The following FAM240B variants were observed in gnomAD, a reference collection of about 807,000 sequenced individuals.
The protein encoded by FAM240B is family with sequence similarity 240 member B, also known as protein FAM240B.
intron 1 of FAM240B, among the ~76,000 whole-genome samples, chr9:38,718,759 A>T (rs1390172184): frequency 3.3e-5 from 5 of 152,292 alleles, no homozygotes; most frequent in African/African-American, 4.8e-5. Context: ...GTAAAAAAAA[A>T]AAATGTTCAA....
intron 1 of FAM240B, among the ~76,000 whole-genome samples, chr9:38,706,084 A>T (rs981256226): frequency 1.3e-5 from 2 of 152,120 alleles, no homozygotes; most frequent in Non-Finnish European, 2.9e-5. Flanking sequence ...CTTATTTAAA[A>T]CATTTTTATT....
rs1049285267 is a variant in FAM240B at position 38,694,604 on chromosome 9, G to C, written c.*172C>G. 2.5e-6 allele frequency: 1 copy of C among 392,986 alleles called. No homozygotes were observed. The highest frequency in any genetic ancestry group is 4.5e-6 in the Non-Finnish European group (1 of 223,140). 24.3% of individuals were successfully genotyped at this position (392,986 alleles called of 1,614,324 possible). On this transcript the variant is annotated 3_prime_UTR_variant, in exon 3 of 3. Transcript: ENST00000637493. ...TCCTCTGTGCGGAGGGGATTGAGCA[G>C]GATAATAACTCCCATTAGCACTGGG...
At chr9:38,700,056 G>C (rs1041600523) in intron 2 of FAM240B, among the ~76,000 whole-genome samples, 1 of 152,120 alleles carries the variant, frequency 6.6e-6, no homozygotes, top group Non-Finnish European at 1.5e-5. Flanking sequence ...TCTGGTCAAG[G>C]GGCAGAGCTC....
intron 2 of FAM240B, 89 bp from the exon 3 acceptor site, chr9:38,694,958 G>C (rs1296914547): frequency 5.0e-6 from 2 of 397,668 alleles, no homozygotes; most frequent in African/African-American, 2.1e-5. Context: ...TCTTCTCCAA[G>C]ATATTTTTAA....
chr9:38,715,791 T>C (rs1321176981), intron 1 of FAM240B, among the ~76,000 whole-genome samples: 3 of 152,226 alleles, frequency 2.0e-5, no homozygotes, highest in African/African-American at 4.8e-5. Context: ...TAGAGAAAAC[T>C]TCTGAGTTCC....
chr9:38,716,196 G>A (rs1164642971), intron 1 of FAM240B, among the ~76,000 whole-genome samples: 1 of 152,198 alleles, frequency 6.6e-6, no homozygotes, highest in Non-Finnish European at 1.5e-5. Context: ...CCTTGGCCCG[G>A]TGCGGTGGCT....
Position 38,719,672 on chromosome 9 carries a change from G to A in FAM240B, c.-4+350C>T, listed in dbSNP as rs143475761. On this transcript the variant is annotated intron_variant, in intron 1 of 2. Coordinates refer to ENST00000637493, the MANE Select transcript of FAM240B (RefSeq NM_001394922.1). ...AGCATCTACAATGAACATTTCCTTG[G>A]GACTAAATTATCCATCAACCAACAT... is the stretch of plus-strand genomic sequence containing the variant. Among the ~76,000 whole-genome samples the A allele has an allele frequency of 2.1e-3, 327 of 152,140 alleles. 3 individuals are homozygous for A. The highest frequency in any genetic ancestry group is 7.2e-3 in the African/African-American group (297 of 41,510).
At chr9:38,700,542 G>A (rs1821113664) in intron 2 of FAM240B, among the ~76,000 whole-genome samples, 1 of 152,186 alleles carries the variant, frequency 6.6e-6, no homozygotes, top group South Asian at 2.1e-4. Flanking sequence ...TCTAAACTGA[G>A]ATACTTTTGA....
intron 1 of FAM240B, among the ~76,000 whole-genome samples, chr9:38,716,459 G>A (rs985355572): frequency 1.5e-5 from 2 of 134,098 alleles, no homozygotes; most frequent in South Asian, 2.7e-4. Flanking sequence ...GTGGCAGAGT[G>A]AGACTCCGCT....
At chr9:38,701,183 AG>A in intron 2 of FAM240B, among the ~76,000 whole-genome samples, 1 of 152,150 alleles carries the variant, frequency 6.6e-6, no homozygotes. Context: ...GTACATTGGA[AG>A]GTGGGCATTT....
chr9:38,718,441 C>CTGTCAATGTA (rs1821333287), intron 1 of FAM240B, among the ~76,000 whole-genome samples: 2 of 152,194 alleles, frequency 1.3e-5, no homozygotes, highest in African/African-American at 2.4e-5. Flanking sequence ...ACAGTATGGG[C>CTGTCAATGTA]TGTCAATGTA....
intron 1 of FAM240B, among the ~76,000 whole-genome samples, chr9:38,717,404 C>T (rs1405011465): frequency 6.6e-6 from 1 of 151,876 alleles, no homozygotes; most frequent in African/African-American, 2.4e-5. Context: ...CAGGGTGAAA[C>T]CCCGTCTCTA....
At chr9:38,702,403 C>T (rs72721508) in intron 2 of FAM240B, among the ~76,000 whole-genome samples, 8,372 of 152,274 alleles carry the variant, frequency 0.055, 319 homozygotes, top group Non-Finnish European at 0.086. Context: ...CAGCATGCAC[C>T]AGGCAGGCAC....
chr9:38,718,878 G>A (rs903945186), intron 1 of FAM240B, among the ~76,000 whole-genome samples: 1 of 151,162 alleles, frequency 6.6e-6, no homozygotes, highest in African/African-American at 2.4e-5. Flanking sequence ...CTAACATACA[G>A]TTATTTCTAA....
intron 2 of FAM240B, among the ~76,000 whole-genome samples, chr9:38,700,950 A>G (rs1200472165): frequency 6.6e-6 from 1 of 152,218 alleles, no homozygotes; most frequent in Non-Finnish European, 1.5e-5. Context: ...CTGGAACAAC[A>G]TCTTGCCAGA....
At chr9:38,714,685 T>C (rs9408311) in intron 1 of FAM240B, among the ~76,000 whole-genome samples, 25,417 of 152,180 alleles carry the variant, frequency 0.17, 2,241 homozygotes, top group East Asian at 0.24. Context: ...TGTCTATTCA[T>C]GAGAAAACTG....
intron 1 of FAM240B, among the ~76,000 whole-genome samples, chr9:38,706,883 A>G (rs922955117): frequency 4.6e-5 from 7 of 152,214 alleles, no homozygotes; most frequent in Non-Finnish European, 4.4e-5. Context: ...CTGATTTTAC[A>G]TTTTCATTCA....
chr9:38,697,654 A>C (rs781543325), intron 2 of FAM240B, among the ~76,000 whole-genome samples: 1 of 152,246 alleles, frequency 6.6e-6, no homozygotes, highest in Non-Finnish European at 1.5e-5. Context: ...TAAAACAAGG[A>C]CACTGACTAT....
rs142271742 is a variant in FAM240B at position 38,710,549 on chromosome 9, C to A, written c.-3-6547G>T. Among the ~76,000 whole-genome samples, 11 of 152,274 alleles carry A rather than the reference C, an allele frequency of 7.2e-5. No homozygotes were observed. In the East Asian group the frequency reaches 2.1e-3, roughly 29 times the overall value. The stretch of plus-strand genomic sequence containing the variant: ...TTTGTTTCCCCAGTTTTTATAAACT[C>A]ATGGGTAGAGGGCAATAGTTCTCCT... On this transcript the variant is annotated intron_variant, in intron 1 of 2. Transcript: ENST00000637493.
Sources: allele counts gnomAD v4.1 joint callset (sites outside exome capture counted in the v4.1 genomes callset), GRCh38; gene constraint gnomAD v4.1.1; transcripts MANE v1.5; gene names NCBI Gene and HGNC (gene_info 2026-07-23, HGNC 2026-07-21).